INTS6: variants seen among roughly 807,000 people sequenced by gnomAD.
INTS6 encodes DEAD box protein.
A neutral mutation model predicts 104.9 loss-of-function variants in INTS6; 16 were observed. The observed-to-expected ratio is 0.15, with a 90% CI of 0.10 to 0.23. The LOEUF is 0.23. Among genes scored for constraint, INTS6 ranks in the 10% least tolerant of loss-of-function variants. The probability of loss-of-function intolerance (pLI) is 1.00; values close to 1 mark genes in which losing one functional copy is unlikely to be tolerated. For missense variants in INTS6, 584 were observed against 1,062.8 expected (o/e 0.55, Z 6.26); for synonymous variants, 324 against 358.7 (o/e 0.90, Z 1.09).
chr13:51,397,967 G>C (rs1956371154), intron 4 of INTS6, among the ~76,000 whole-genome samples: 1 of 151,688 alleles, frequency 6.6e-6, no homozygotes, highest in African/African-American at 2.4e-5. Flanking sequence ...CCCCAGCAAG[G>C]TTCACAAGCA....
intron 3 of INTS6, chr13:51,450,743 G>A (rs1037285879): frequency 1.9e-6 from 2 of 1,050,492 alleles, no homozygotes; most frequent in African/African-American, 3.4e-5. Context: ...TTCCTTTTAG[G>A]TCTTTACTGA....
At chr13:51,402,975 C>T (rs574250789) in intron 4 of INTS6, among the ~76,000 whole-genome samples, 1 of 152,164 alleles carries the variant, frequency 6.6e-6, no homozygotes, top group South Asian at 2.1e-4. Context: ...AAACACAGCA[C>T]GATTTCAGGA....
chr13:51,357,600 AT>A (rs1305488855), downstream of INTS6, among the ~76,000 whole-genome samples: 1 of 151,798 alleles, frequency 6.6e-6, no homozygotes, highest in South Asian at 2.1e-4. Flanking sequence ...GGCATCAAAT[AT>A]TTTTTTTGCT....
At position 51,362,732 on chromosome 13, in the gene INTS6, C is replaced by T. The variant is rs189278115; in HGVS notation, c.*3020G>A. ...GTCAAAAGTTAGAATGAAAATTATG[C>T]ATAGTTTTACATAAATTGTTAAGGA... On this transcript the variant is annotated 3_prime_UTR_variant, in exon 18 of 18. Coordinates refer to ENST00000311234, the MANE Select transcript of INTS6 (RefSeq NM_012141.3). 6.6e-6 allele frequency: 1 copy of T among 152,454 alleles called. No individual in the cohort carries two copies. The highest frequency in any genetic ancestry group is 6.6e-5 in the Admixed American group (1 of 15,234). The allele number at this position is 152,454 out of a possible 1,614,324, so 9.4% of individuals were successfully genotyped here.
chr13:51,407,519 A>G (rs1956592291), intron 4 of INTS6, among the ~76,000 whole-genome samples: 1 of 152,198 alleles, frequency 6.6e-6, no homozygotes, highest in Non-Finnish European at 1.5e-5. Context: ...AATAATAGGA[A>G]TGAAAGAAAC....
chr13:51,338,899 T>A, the INTS6 span, among the ~76,000 whole-genome samples: 11 of 152,252 alleles, frequency 7.2e-5, no homozygotes, highest in Non-Finnish European at 7.3e-5. Flanking sequence ...TGCATTCAGT[T>A]CTTCTTTAAT....
intron 3 of INTS6, chr13:51,445,063 A>G (rs1233166050): frequency 6.6e-6 from 1 of 152,130 alleles, no homozygotes; most frequent in Non-Finnish European, 1.5e-5. Context: ...GTGCTCCTAA[A>G]AGGTTCCCTG....
intron 3 of INTS6, chr13:51,441,733 A>C (rs1952800702): frequency 6.6e-6 from 1 of 152,192 alleles, no homozygotes. Flanking sequence ...TTAAATACTT[A>C]TGTATGTTAT....
chr13:51,412,829 A>T (rs1180897432), intron 4 of INTS6, among the ~76,000 whole-genome samples: 1 of 152,246 alleles, frequency 6.6e-6, no homozygotes, highest in African/African-American at 2.4e-5. Context: ...TTCAATAAAA[A>T]TTGATAAAGA....
chr13:51,414,519 T>C (rs939099429), intron 4 of INTS6, among the ~76,000 whole-genome samples: 7 of 152,158 alleles, frequency 4.6e-5, no homozygotes, highest in African/African-American at 1.7e-4. Flanking sequence ...TGCTAAATCT[T>C]TCCGTGATTT....
intron 10 of INTS6, among the ~76,000 whole-genome samples, chr13:51,380,134 C>T (rs1489620254): frequency 6.6e-6 from 1 of 151,352 alleles, no homozygotes; most frequent in African/African-American, 2.4e-5. Context: ...CCATTGGGTA[C>T]AAATTATTAA....
intron 4 of INTS6, among the ~76,000 whole-genome samples, chr13:51,407,379 G>A (rs1956588428): frequency 2.6e-5 from 4 of 152,238 alleles, no homozygotes; most frequent in Admixed American, 2.6e-4. Flanking sequence ...ATTGTGAACA[G>A]TAGAGTAATA....
chr13:51,342,053 C>T, the INTS6 span, among the ~76,000 whole-genome samples: 7 of 152,090 alleles, frequency 4.6e-5, no homozygotes, highest in Non-Finnish European at 8.8e-5. Flanking sequence ...CCTCTGCTTA[C>T]GCTCAGTGCC....
intron 3 of INTS6, chr13:51,446,554 G>T (rs567399258): frequency 6.6e-6 from 1 of 152,226 alleles, no homozygotes; most frequent in South Asian, 2.1e-4. Flanking sequence ...TCATTTCAGG[G>T]TATATATCCA....
intron 3 of INTS6, chr13:51,450,773 C>G (rs1431889675): frequency 1.2e-5 from 13 of 1,107,474 alleles, no homozygotes; most frequent in Non-Finnish European, 1.4e-5. Flanking sequence ...GGATTAAAAC[C>G]AATGTATGTC....
chr13:51,418,868 T>G (rs1956843649), intron 4 of INTS6, among the ~76,000 whole-genome samples: 1 of 152,190 alleles, frequency 6.6e-6, no homozygotes, highest in Non-Finnish European at 1.5e-5. Context: ...CAACGAGTTT[T>G]AGTAAATTTA....
chr13:51,410,834 C>T lies in INTS6; in HGVS notation c.430-15351G>A, dbSNP rs116508802. Among the ~76,000 whole-genome samples the T allele has an allele frequency of 4.8e-3, 732 of 152,128 alleles. 7 individuals carry two copies. Among genetic ancestry groups the T allele is most frequent in the African/African-American group, 0.016 (683 of 41,518 alleles). ...CAGAATATGTAAAAAATTCTTATAACTCATTAGCAAGAAGACAGACTATCC... is the reference window on the plus strand; with the variant it reads ...CAGAATATGTAAAAAATTCTTATAATTCATTAGCAAGAAGACAGACTATCC... On this transcript the variant is annotated intron_variant, in intron 4 of 17. Coordinates refer to ENST00000311234, the MANE Select transcript of INTS6 (RefSeq NM_012141.3).
intron 4 of INTS6, among the ~76,000 whole-genome samples, chr13:51,418,804 A>C (rs758615420): frequency 6.6e-6 from 1 of 152,214 alleles, no homozygotes; most frequent in Non-Finnish European, 1.5e-5. Context: ...GCAAAGGTAA[A>C]GTCTTTCTAA....
At chr13:51,424,247 T>C (rs1363817615) in intron 4 of INTS6, among the ~76,000 whole-genome samples, 1 of 152,030 alleles carries the variant, frequency 6.6e-6, no homozygotes, top group East Asian at 1.9e-4. Context: ...AACAAAGAAT[T>C]CTAGATAGCG....
Sources: allele counts gnomAD v4.1 joint callset (sites outside exome capture counted in the v4.1 genomes callset), GRCh38; gene constraint gnomAD v4.1.1; transcripts MANE v1.5; gene names NCBI Gene and HGNC (gene_info 2026-07-23, HGNC 2026-07-21).